The following MSS51 variants were observed in gnomAD, a reference collection of about 807,000 sequenced individuals.
The protein encoded by MSS51 is MSS51 mitochondrial translational activator.
Under a neutral mutation model 40.2 loss-of-function variants are expected in MSS51, and 32 were observed. The ratio of observed to expected loss-of-function variants is 0.80; its 90% confidence interval spans 0.60 to 1.07. The LOEUF (loss-of-function observed/expected upper bound fraction) is 1.07, where lower values mean the gene tolerates loss of function less well. MSS51 is among the 50% of genes least tolerant of loss of function. The pLI is 0.00. For synonymous variants in MSS51, 178 were observed against 214.2 expected (o/e 0.83, Z 1.48); for missense variants, 518 against 568.9 (o/e 0.91, Z 0.91).
intron 1 of MSS51, among the ~76,000 whole-genome samples, chr10:73,432,041 TTTTC>T (rs1249498950): frequency 3.3e-5 from 5 of 151,448 alleles, no homozygotes; most frequent in East Asian, 3.9e-4. Flanking sequence ...AACATTTTCT[TTTTC>T]TTTCTTTCTT....
At chr10:73,426,832 AG>A in intron 3 of MSS51, 101 bp from the exon 4 acceptor site, 2 of 1,399,228 alleles carry the variant, frequency 1.4e-6, no homozygotes, top group Non-Finnish European at 2.0e-6. Flanking sequence ...TGAATGGGTA[AG>A]GAAGGTAGGG....
At chr10:73,425,014 G>T in intron 6 of MSS51, 84 bp downstream of exon 6, 2 of 1,097,330 alleles carry the variant, frequency 1.8e-6, no homozygotes, top group Non-Finnish European at 2.8e-6. Context: ...AGGTAGATGA[G>T]CAAGAGGGGG....
Position 73,424,534 on chromosome 10 carries a change from A to T in MSS51, c.*19T>A. 1 of 1,577,684 alleles carries T rather than the reference A, an allele frequency of 6.3e-7. No homozygotes were observed. ...TCATCACAAACTCCCCGTTTTCCAG[A>T]TGTCCAGTTATGATCTATTTAAATC... On this transcript the variant is annotated 3_prime_UTR_variant, in exon 7 of 7. Coordinates refer to ENST00000299432, the MANE Select transcript of MSS51 (RefSeq NM_001024593.2).
intron 1 of MSS51, among the ~76,000 whole-genome samples, chr10:73,430,661 A>C (rs1589675685): frequency 6.6e-6 from 1 of 151,968 alleles, no homozygotes; most frequent in Admixed American, 6.6e-5. Context: ...ACCCTCGTAC[A>C]CTGCAGGTGA....
rs1223302663 is a variant in MSS51 at position 73,428,126 on chromosome 10, A to G, written c.159T>C (p.Asn53=). The part of the protein sequence containing the change: ...DTLGFFSLDD[N]VPGLSQLILQ... Reference sequence around the variant, plus strand: ...GGATCAGCTGCGATAGGCCAGGAACATTATCATCCAAGGAGAAGAAGCCAA... The same window carrying G: ...GGATCAGCTGCGATAGGCCAGGAACGTTATCATCCAAGGAGAAGAAGCCAA... The change falls in exon 2 of 7, where the codon AAT becomes AAC. Residue 53 remains asparagine (N), a synonymous_variant. Coordinates refer to ENST00000299432, the MANE Select transcript of MSS51 (RefSeq NM_001024593.2). The G allele has an allele frequency of 6.2e-7, 1 of 1,614,002 alleles. No individual in the cohort carries two copies. The highest frequency in any genetic ancestry group is 1.3e-5 in the African/African-American group (1 of 74,892).
intron 1 of MSS51, among the ~76,000 whole-genome samples, chr10:73,431,811 T>C (rs766553757): frequency 3.3e-5 from 5 of 152,192 alleles, no homozygotes; most frequent in Admixed American, 6.5e-5. Flanking sequence ...AATGAAGAAA[T>C]TGGACCTAAT....
At chr10:73,428,567 A>AC (rs2056006766) in intron 1 of MSS51, among the ~76,000 whole-genome samples, 1 of 151,536 alleles carries the variant, frequency 6.6e-6, no homozygotes, top group South Asian at 2.1e-4. Context: ...ATCTCAGCTC[A>AC]CTCCACCTCC....
rs140439809 is a variant in MSS51 at position 73,427,625 on chromosome 10, C to T, written c.365G>A (p.Arg122Gln). Residue 122 changes from arginine to glutamine, a missense_variant, in exon 3 of 7, where the codon CGG (arginine) becomes CAG (glutamine). Coordinates refer to ENST00000299432, the MANE Select transcript of MSS51 (RefSeq NM_001024593.2). Reference protein sequence around the residue: ...PSGLSDSKVLRHCKRCRNVYY... With the variant: ...PSGLSDSKVLQHCKRCRNVYY... ...CCCAACAAGTCACCTCTTACAGTGC[C>T]GGAGAACCTTGGAGTCTGAAAGCCC... The T allele has an allele frequency of 3.3e-5, 53 of 1,611,404 alleles. No homozygotes were observed. In the South Asian group the frequency reaches 3.7e-4, roughly 11 times the overall value.
In MSS51 at chr10:73,427,617, T is replaced by TA; in HGVS notation, c.372dup (p.Lys125Ter). 1 of 1,609,070 alleles carries TA rather than the reference T, an allele frequency of 6.2e-7. No individual in the cohort carries two copies. The stretch of plus-strand genomic sequence containing the variant: ...TATTAGCCCCCAACAAGTCACCTCT[T>TA]ACAGTGCCGGAGAACCTTGGAGTCT... On this transcript the variant is annotated frameshift_variant, in exon 3 of 7. Coordinates refer to ENST00000299432, the MANE Select transcript of MSS51 (RefSeq NM_001024593.2). LOFTEE classifies it high-confidence loss of function.
intron 1 of MSS51, among the ~76,000 whole-genome samples, chr10:73,431,716 T>C (rs2056030415): frequency 6.6e-6 from 1 of 152,210 alleles, no homozygotes; most frequent in Admixed American, 6.5e-5. Context: ...TGTCTCCCCT[T>C]ATCCCATGGG....
At position 73,424,620 on chromosome 10, in the gene MSS51, A is replaced by G. The variant is rs960781045; in HGVS notation, c.1316T>C (p.Met439Thr). Residue 439 changes from methionine (M) to threonine (T), a missense_variant, in exon 7 of 7, where the codon ATG becomes ACG. Coordinates refer to ENST00000299432, the MANE Select transcript of MSS51 (RefSeq NM_001024593.2). ...CAGCTGACAGGAGCTTCCAAGAAAC[A>G]TGATATAGTATGCACTGCAGTATAC... ...QPVYCSAYYI[M>T]FLGSSCQLDN... is the part of the protein sequence containing the mutation. 1 of 1,614,048 alleles carries G rather than the reference A, an allele frequency of 6.2e-7. No individual in the cohort carries two copies. The highest frequency in any genetic ancestry group is 8.5e-7 in the Non-Finnish European group (1 of 1,180,034).
intron 1 of MSS51, among the ~76,000 whole-genome samples, chr10:73,429,416 C>T (rs2056012537): frequency 6.6e-6 from 1 of 152,076 alleles, no homozygotes; most frequent in East Asian, 1.9e-4. Context: ...TCCAAAGTGA[C>T]CATCCAATTG....
chr10:73,426,865 C>A, intron 3 of MSS51, 134 bp from the exon 4 acceptor site: 1 of 984,604 alleles, frequency 1.0e-6, no homozygotes, highest in South Asian at 1.6e-5. Context: ...AGCTGATGCA[C>A]CAATTTTGGG....
At position 73,425,968 on chromosome 10, in the gene MSS51, A is replaced by C; in HGVS notation, c.912T>G (p.Asp304Glu). The C allele has an allele frequency of 6.2e-7, 1 of 1,614,212 alleles. No individual in the cohort carries two copies. Among genetic ancestry groups the C allele is most frequent in the Non-Finnish European group, 8.5e-7 (1 of 1,180,042 alleles). Residue 304 changes from aspartate (D) to glutamate (E), a missense_variant, in exon 5 of 7, where the codon GAT becomes GAG. Asp to Glu is a conservative substitution (Grantham distance 45, BLOSUM62 2). Coordinates refer to ENST00000299432, the MANE Select transcript of MSS51 (RefSeq NM_001024593.2). ...TGCTCTGTGAAAAGCCAGTAGCTAC[A>C]TCTACACCCACCATGACCACACGGA... ...LGLRVVMVGV[D>E]VATGFSQSTS...
Position 73,431,996 on chromosome 10 carries a change from A to AT in MSS51, c.-18+1516dup, listed in dbSNP as rs539915371. Among the ~76,000 whole-genome samples the AT allele has an allele frequency of 5.3e-4, 80 of 152,280 alleles. 1 individual carries two copies. Among genetic ancestry groups the AT allele is most frequent in the African/African-American group, 1.9e-3 (77 of 41,568 alleles). ...GAATCACTGCCATTCTACAAAAAGC[A>AT]TTTATCTACTCTACCCACCTGCCTC... On this transcript the variant is annotated intron_variant, in intron 1 of 6. Transcript: ENST00000299432.
chr10:73,424,561 C>T lies in MSS51; in HGVS notation c.1375G>A (p.Gly459Arg), dbSNP rs747890305. Residue 459 changes from glycine to arginine, a missense_variant, in exon 7 of 7, where the codon GGG becomes AGG. Physicochemically the swap from Gly to Arg is moderately radical, Grantham distance 125 (BLOSUM62 -2). Coordinates refer to ENST00000299432, the MANE Select transcript of MSS51 (RefSeq NM_001024593.2). The part of the protein sequence containing the change: ...NRQLEEKVDG[G>R]I Reference sequence around the variant, plus strand: ...GTCCAGTTATGATCTATTTAAATCCCGCCGTCCACTTTCTCTTCTAATTGC... The same window carrying T: ...GTCCAGTTATGATCTATTTAAATCCTGCCGTCCACTTTCTCTTCTAATTGC... 42 of 1,612,894 alleles carry T rather than the reference C, an allele frequency of 2.6e-5. No homozygotes were observed. The highest frequency in any genetic ancestry group is 6.7e-5 in the East Asian group (3 of 44,868).
In MSS51 at chr10:73,424,869, C is replaced by T. The variant is rs577652404; in HGVS notation, c.1164-97G>A. ...TGACATTTCTGTAATCACCCATCCC[C>T]CAAATTGCCTAAGGCTGGACTAGGC... is the stretch of plus-strand genomic sequence containing the variant. On this transcript the variant is annotated intron_variant, in intron 6 of 6. Coordinates refer to ENST00000299432, the MANE Select transcript of MSS51 (RefSeq NM_001024593.2). The T allele has an allele frequency of 2.5e-5, 26 of 1,049,710 alleles. No individual in the cohort carries two copies. The East Asian group carries it at 6.2e-4, about 25-fold the overall frequency. 65.0% of individuals were successfully genotyped at this position (1,049,710 alleles called of 1,614,324 possible).
chr10:73,432,764 G>C (rs2056037334), intron 1 of MSS51, among the ~76,000 whole-genome samples: 1 of 152,122 alleles, frequency 6.6e-6, no homozygotes, highest in African/African-American at 2.4e-5. Context: ...CCAGGTCTTT[G>C]ATCTGCATCT....
chr10:73,432,956 T>C (rs1434271142), intron 1 of MSS51, among the ~76,000 whole-genome samples: 2 of 152,190 alleles, frequency 1.3e-5, no homozygotes, highest in Admixed American at 6.5e-5. Context: ...AGTAAGCTCT[T>C]TGAACTTTCC....
Sources: gnomAD v4.1 joint callset for allele counts (sites outside exome capture counted in the v4.1 genomes callset) on GRCh38, gnomAD v4.1.1 for gene constraint, MANE v1.5 for transcripts, NCBI Gene and HGNC (gene_info 2026-07-23, HGNC 2026-07-21) for gene names.